TDRD1: variants seen among roughly 807,000 people sequenced by gnomAD.
TDRD1 encodes tudor domain-containing protein 1.
TDRD1 carries 37 observed loss-of-function variants against 140.6 expected under a neutral mutation model. The observed-to-expected ratio is 0.26, with a 90% CI of 0.20 to 0.35. The LOEUF is 0.35. Among genes scored for constraint, TDRD1 ranks in the 10% least tolerant of loss-of-function variants. The probability of loss-of-function intolerance (pLI) is 1.00; values close to 1 mark genes in which losing one functional copy is unlikely to be tolerated. For synonymous variants in TDRD1, 506 were observed against 475.7 expected (o/e 1.06, Z -0.83); for missense variants, 1,243 against 1,393.0 (o/e 0.89, Z 1.71).
intron 20 of TDRD1, 152 bp from the exon 21 acceptor site, chr10:114,222,435 G>GT (rs1230837154): frequency 5.9e-6 from 2 of 340,422 alleles, no homozygotes; most frequent in Non-Finnish European, 1.0e-5. Flanking sequence ...ATATTTTCAA[G>GT]TATCATGTAT....
chr10:114,195,548 A>G (rs1165282914), intron 3 of TDRD1, among the ~76,000 whole-genome samples: 2 of 152,168 alleles, frequency 1.3e-5, no homozygotes, highest in African/African-American at 2.4e-5. Context: ...TTTTGTCATC[A>G]TAATGTCCCT....
intron 3 of TDRD1, among the ~76,000 whole-genome samples, chr10:114,191,486 G>A (rs1447103885): frequency 2.6e-5 from 4 of 152,260 alleles, no homozygotes; most frequent in African/African-American, 9.6e-5. Context: ...CAAACAGTAC[G>A]TAACCTTTTG....
At chr10:114,198,355 G>T (rs541322238) in intron 3 of TDRD1, among the ~76,000 whole-genome samples, 2 of 152,152 alleles carry the variant, frequency 1.3e-5, no homozygotes, top group Admixed American at 1.3e-4. Context: ...GGAAATCCGG[G>T]TTCCCCATGT....
rs375555159 is a variant in TDRD1, at chr10:114,203,066, A to T, written c.697-6A>T. 41 of 1,604,112 alleles carry T rather than the reference A, an allele frequency of 2.6e-5. No homozygotes were observed. The African/African-American group carries it at 5.1e-4, about 20-fold the overall frequency. Reference sequence around the variant, plus strand: ...TAACTCACTTCTGTGGTATTTTTCAAACCAGAGTGACTGTCCACTTGGAGT... The same window carrying T: ...TAACTCACTTCTGTGGTATTTTTCATACCAGAGTGACTGTCCACTTGGAGT... On this transcript the variant is annotated splice_polypyrimidine_tract_variant and splice_region_variant and intron_variant, in intron 6 of 25. Coordinates refer to ENST00000251864, the Ensembl canonical transcript of TDRD1.
chr10:114,192,292 CTT>C (rs938140798), intron 3 of TDRD1, among the ~76,000 whole-genome samples: 6 of 75,112 alleles, frequency 8.0e-5, no homozygotes, highest in Admixed American at 1.4e-4. Context: ...GATAGTTTTC[CTT>C]TTTTTTTTTT....
chr10:114,182,351 G>A (rs117696491), intron 1 of TDRD1, among the ~76,000 whole-genome samples: 4 of 151,734 alleles, frequency 2.6e-5, no homozygotes, highest in East Asian at 3.9e-4. Flanking sequence ...GTGTTGTAAC[G>A]AAAATTCCTG....
At chr10:114,194,908 T>C (rs997383990) in intron 3 of TDRD1, among the ~76,000 whole-genome samples, 1 of 150,450 alleles carries the variant, frequency 6.6e-6, no homozygotes, top group South Asian at 2.1e-4. Flanking sequence ...TACAGGTGTA[T>C]GCCACCACAC....
At chr10:114,190,566 A>G (rs1169568157) in intron 2 of TDRD1, among the ~76,000 whole-genome samples, 1 of 152,156 alleles carries the variant, frequency 6.6e-6, no homozygotes, top group Non-Finnish European at 1.5e-5. Flanking sequence ...CAGCTCACTG[A>G]AACCTCCGCC....
In TDRD1 at chr10:114,219,780, C is replaced by T. The variant is rs949902984; in HGVS notation, c.2495-788C>T. Among the ~76,000 whole-genome samples the T allele has an allele frequency of 4.6e-5, 7 of 151,996 alleles. 1 individual carries two copies. The highest frequency in any genetic ancestry group is 4.2e-4 in the South Asian group (2 of 4,804). ...TAATTTTTTGTATTTTTAGTAGAGA[C>T]GGGGTTTCTCCATGTTGGTCAGGCT... On this transcript the variant is annotated intron_variant, in intron 18 of 25. Transcript: ENST00000251864.
At chr10:114,200,797 G>A (rs2034683225) in intron 4 of TDRD1, among the ~76,000 whole-genome samples, 1 of 151,126 alleles carries the variant, frequency 6.6e-6, no homozygotes, top group South Asian at 2.1e-4. Flanking sequence ...CAAAGTGCTG[G>A]GATTACAGGC....
chr10:114,206,446 T>A, intron 11 of TDRD1, 116 bp downstream of exon 11: 1 of 696,400 alleles, frequency 1.4e-6, no homozygotes, highest in East Asian at 2.7e-5. Context: ...AAACATCCTA[T>A]GAGCAATTTA....
chr10:114,203,112 G>C (rs1308887147), exon 7 of TDRD1: 4 of 1,613,736 alleles, frequency 2.5e-6, no homozygotes, highest in Non-Finnish European at 3.4e-6. Flanking sequence ...ATAGCCATTT[G>C]GGCTGAGAGA....
chr10:114,194,829 G>C (rs987091107), intron 3 of TDRD1, among the ~76,000 whole-genome samples: 15 of 147,948 alleles, frequency 1.0e-4, no homozygotes, highest in Admixed American at 3.4e-4. Context: ...CACAATCATA[G>C]CTCACCACAG....
upstream of TDRD1, among the ~76,000 whole-genome samples, chr10:114,176,233 G>C (rs2032693551): frequency 1.3e-5 from 2 of 150,820 alleles, no homozygotes; most frequent in Admixed American, 1.3e-4. The surrounding 1 kb of genome is among the most constrained non-coding windows in gnomAD (Gnocchi z 4.2). Context: ...CAATAGAGAA[G>C]CACAACACCA....
chr10:114,221,192 A>G (rs555521597), intron 19 of TDRD1, among the ~76,000 whole-genome samples, 165 bp from the exon 20 acceptor site: 10 of 152,208 alleles, frequency 6.6e-5, no homozygotes, highest in Non-Finnish European at 1.3e-4. Flanking sequence ...AAAATCCCTC[A>G]AATAGAATAG....
At chr10:114,190,099 C>T (rs145056712) in intron 2 of TDRD1, among the ~76,000 whole-genome samples, 13 of 151,978 alleles carry the variant, frequency 8.6e-5, no homozygotes, top group African/African-American at 3.1e-4. Flanking sequence ...CTTTTTTTTT[C>T]AGATACCAAA....
chr10:114,203,064 C>A lies in TDRD1; in HGVS notation c.697-8C>A. On this transcript the variant is annotated splice_polypyrimidine_tract_variant and splice_region_variant and intron_variant, in intron 6 of 25. Coordinates refer to ENST00000251864, the Ensembl canonical transcript of TDRD1. ...AGTAACTCACTTCTGTGGTATTTTT[C>A]AAACCAGAGTGACTGTCCACTTGGA... 6.3e-7 allele frequency: 1 copy of A among 1,599,794 alleles called. No homozygotes were observed. The highest frequency in any genetic ancestry group is 8.6e-7 in the Non-Finnish European group (1 of 1,167,330).
intron 10 of TDRD1, 66 bp from the exon 11 acceptor site, chr10:114,206,178 T>A: frequency 8.1e-7 from 1 of 1,229,370 alleles, no homozygotes; most frequent in Non-Finnish European, 1.2e-6. Flanking sequence ...GTTTCTTCTT[T>A]ACGCTTTTCC....
At chr10:114,231,614 A>G in exon 26 of TDRD1, 1 of 1,010,478 alleles carries the variant, frequency 9.9e-7, no homozygotes, top group Admixed American at 3.0e-5. Flanking sequence ...CTCTGTAATG[A>G]CCTTCTATCC....
Sources: gnomAD v4.1 joint callset for allele counts (sites outside exome capture counted in the v4.1 genomes callset) on GRCh38, gnomAD v4.1.1 for gene constraint, Gnocchi (gnomAD v3.1) non-coding constraint, MANE v1.5 for transcripts, NCBI Gene and HGNC (gene_info 2026-07-23, HGNC 2026-07-21) for gene names.